Variants in GRB10 observed in about 807,000 individuals in gnomAD.
GRB10 encodes growth factor receptor-bound protein 10.
GRB10 carries 20 observed loss-of-function variants against 80.9 expected under a neutral mutation model. The ratio of observed to expected loss-of-function variants is 0.25; its 90% CI spans 0.17 to 0.36. GRB10 has a LOEUF of 0.36. Ranked by LOEUF, GRB10 falls within the 10% of genes least tolerant of loss-of-function variation. The pLI is 1.00. For synonymous variants in GRB10, 291 were observed against 291.5 expected (o/e 1.00, Z 0.02); for missense variants, 548 against 747.7 (o/e 0.73, Z 3.12).
chr7:50,718,631 C>T (rs1207905088), intron 4 of GRB10, among the ~76,000 whole-genome samples: 1 of 152,132 alleles, frequency 6.6e-6, no homozygotes, highest in Non-Finnish European at 1.5e-5. Context: ...TTTTTGAGGA[C>T]CACAGATCTA....
rs532349958 is a variant in GRB10, at chr7:50,776,748, A to G, written c.-217+3879T>C. Among the ~76,000 whole-genome samples, 5 of 152,314 alleles carry G rather than the reference A, an allele frequency of 3.3e-5. No individual in the cohort carries two copies. In the East Asian group the frequency reaches 9.6e-4, roughly 29 times the overall value. The stretch of plus-strand genomic sequence containing the variant: ...TTGTAGCAAGGACTGTCTTTCCTCC[A>G]GTTTCCAATAAGATATTCATTTCCA... On this transcript the variant is annotated intron_variant, in intron 2 of 18. Transcript: ENST00000401949.
chr7:50,616,833 CA>C (rs1213897832), intron 10 of GRB10, among the ~76,000 whole-genome samples: 3 of 152,232 alleles, frequency 2.0e-5, no homozygotes, highest in Non-Finnish European at 4.4e-5. Context: ...TTCCCACAGG[CA>C]GCCTTAAGAA....
At chr7:50,745,230 C>G (rs182318744) in intron 3 of GRB10, among the ~76,000 whole-genome samples, 1 of 152,046 alleles carries the variant, frequency 6.6e-6, no homozygotes, top group Non-Finnish European at 1.5e-5. Context: ...ATTTGCAATG[C>G]GTATTACTTA....
chr7:50,780,459 C>T (rs2078165448), intron 2 of GRB10, among the ~76,000 whole-genome samples, 168 bp downstream of exon 2: 1 of 152,186 alleles, frequency 6.6e-6, no homozygotes, highest in Non-Finnish European at 1.5e-5. Flanking sequence ...AACTTTCTAA[C>T]TGAATCACCA....
chr7:50,727,546 C>T (rs1045971175), intron 4 of GRB10, among the ~76,000 whole-genome samples: 4 of 152,198 alleles, frequency 2.6e-5, no homozygotes, highest in African/African-American at 7.2e-5. Context: ...AAACTATTTA[C>T]TAATATGTAA....
intron 5 of GRB10, among the ~76,000 whole-genome samples, chr7:50,702,930 C>A (rs1239909146): frequency 6.6e-6 from 1 of 152,170 alleles, no homozygotes; most frequent in Non-Finnish European, 1.5e-5. Flanking sequence ...TAAATGAGAT[C>A]ACTTGTGAGC....
intron 3 of GRB10, among the ~76,000 whole-genome samples, chr7:50,746,788 C>T (rs2072991112): frequency 6.6e-6 from 1 of 152,026 alleles, no homozygotes; most frequent in Non-Finnish European, 1.5e-5. Context: ...CCAGTCTCTG[C>T]CCCCCGGGCC....
Position 50,604,067 on chromosome 7 carries a change from T to C in GRB10, c.1475A>G (p.His492Arg). 3 of 1,613,888 alleles carry C rather than the reference T, an allele frequency of 1.9e-6. No homozygotes were observed. The highest frequency in any genetic ancestry group is 1.7e-6 in the Non-Finnish European group (2 of 1,179,780). Reference sequence around the variant, plus strand: ...CCTGGAGATCCTCCCGTGAAACCAGTGCTGTGTCCTGTGAATCACTGTGGG... The same window carrying C: ...CCTGGAGATCCTCCCGTGAAACCAGCGCTGTGTCCTGTGAATCACTGTGGG... Reference protein sequence around the residue: ...TLSTVIHRTQHWFHGRISREE... With the variant: ...TLSTVIHRTQRWFHGRISREE... The change falls in exon 17 of 19, where the codon CAC becomes CGC. Residue 492 changes from histidine (H) to arginine (R), a missense_variant. By Grantham distance (29) the His-to-Arg change is conservative. Coordinates refer to ENST00000401949, the MANE Select transcript of GRB10 (RefSeq NM_001350814.2).
At chr7:50,784,482 C>T (rs1050694632), upstream of GRB10, among the ~76,000 whole-genome samples, 4 of 152,306 alleles carry the variant, frequency 2.6e-5, no homozygotes, top group Non-Finnish European at 4.4e-5. Context: ...GAACATCCCA[C>T]GCACCCTGCC....
chr7:50,642,740 T>G (rs1181694458), intron 7 of GRB10, among the ~76,000 whole-genome samples: 1 of 152,100 alleles, frequency 6.6e-6, no homozygotes, highest in Non-Finnish European at 1.5e-5. Context: ...TAAAGAATAC[T>G]CAATCATTAT....
intron 6 of GRB10, among the ~76,000 whole-genome samples, chr7:50,672,987 G>A (rs1240101965): frequency 6.6e-6 from 1 of 152,210 alleles, no homozygotes; most frequent in African/African-American, 2.4e-5. Context: ...GGGAAGCTGG[G>A]GAGGCAGCTG....
chr7:50,710,221 A>G (rs1341570934), intron 4 of GRB10, among the ~76,000 whole-genome samples: 1 of 151,816 alleles, frequency 6.6e-6, no homozygotes, highest in Admixed American at 6.6e-5. Flanking sequence ...GGCCTCCTTG[A>G]CTCATCCTCA....
chr7:50,720,204 A>T (rs1161982703), intron 4 of GRB10, among the ~76,000 whole-genome samples: 3 of 152,240 alleles, frequency 2.0e-5, no homozygotes, highest in Non-Finnish European at 2.9e-5. Flanking sequence ...AAGATCAATG[A>T]TAGGAAAACC....
chr7:50,601,671 GA>G (rs558025714), intron 17 of GRB10, among the ~76,000 whole-genome samples: 23 of 144,810 alleles, frequency 1.6e-4, no homozygotes, highest in Non-Finnish European at 2.4e-4. Context: ...ATCATCAGAG[GA>G]AAAAAAAAAC....
chr7:50,759,511 T>A (rs973437515), intron 2 of GRB10, among the ~76,000 whole-genome samples: 5 of 152,198 alleles, frequency 3.3e-5, no homozygotes, highest in African/African-American at 1.2e-4. Context: ...CACACTTCCA[T>A]TCACTTTAAA....
chr7:50,672,370 A>G (rs2060460024), intron 6 of GRB10, among the ~76,000 whole-genome samples: 1 of 152,236 alleles, frequency 6.6e-6, no homozygotes, highest in African/African-American at 2.4e-5. Context: ...GAGGGCACTG[A>G]TAACAAGGAG....
At chr7:50,769,056 A>G (rs1201262210) in intron 2 of GRB10, among the ~76,000 whole-genome samples, 3 of 152,176 alleles carry the variant, frequency 2.0e-5, no homozygotes, top group African/African-American at 7.2e-5. Flanking sequence ...CTCTGAACTC[A>G]GGGGAATCCA....
At position 50,687,340 on chromosome 7, in the gene GRB10, G is replaced by T. The variant is rs370349719; in HGVS notation, c.140-12682C>A. Among the ~76,000 whole-genome samples, 4 of 152,192 alleles carry T rather than the reference G, an allele frequency of 2.6e-5. No individual in the cohort carries two copies. The East Asian group carries it at 5.8e-4, about 22-fold the overall frequency. On this transcript the variant is annotated intron_variant, in intron 5 of 18. Coordinates refer to ENST00000401949, the MANE Select transcript of GRB10 (RefSeq NM_001350814.2). Reference sequence around the variant, plus strand: ...TACCAAGTCTACCTGACCATGCCAGGCCTCCCTGCGACTCCGTAGGCTCCA... The same window carrying T: ...TACCAAGTCTACCTGACCATGCCAGTCCTCCCTGCGACTCCGTAGGCTCCA...
chr7:50,591,095 C>A lies in GRB10; in HGVS notation c.*1857G>T, dbSNP rs1176938099. On this transcript the variant is annotated 3_prime_UTR_variant, in exon 19 of 19. Coordinates refer to ENST00000401949, the MANE Select transcript of GRB10 (RefSeq NM_001350814.2). ...ATGTCCGTCCCTACAGTGAAGCCTG[C>A]CACCAGGTGTGAACGTGAGAATTAT... is the stretch of plus-strand genomic sequence containing the variant. 1.3e-5 allele frequency: 2 copies of A among 152,168 alleles called. No individual in the cohort carries two copies. The highest frequency in any genetic ancestry group is 1.3e-4 in the Admixed American group (2 of 15,278). 9.4% of individuals were successfully genotyped at this position (152,168 alleles called of 1,614,324 possible). A position where few individuals can be genotyped will look rare whatever the true frequency, so the allele number is the denominator to read the frequency against.
Sources: gnomAD v4.1 joint callset for allele counts (sites outside exome capture counted in the v4.1 genomes callset) on GRCh38, gnomAD v4.1.1 for gene constraint, MANE v1.5 for transcripts, NCBI Gene and HGNC (gene_info 2026-07-23, HGNC 2026-07-21) for gene names.